Variants in TET1 observed in about 807,000 individuals in gnomAD.
TET1 encodes the protein tet methylcytosine dioxygenase 1.
A neutral mutation model predicts 148.7 loss-of-function variants in TET1; 13 were observed. That is an observed-to-expected ratio of 0.09 (90% CI 0.06 to 0.14). TET1 has a LOEUF of 0.14. Ranked by LOEUF, TET1 falls within the 10% of genes least tolerant of loss-of-function variation. The pLI is 1.00. For missense variants in TET1, 2,182 were observed against 2,553.8 expected, an observed-to-expected ratio of 0.85 and a Z score of 3.14; for synonymous variants, 907 against 937.2, an observed-to-expected ratio of 0.97 and a Z score of 0.59.
intron 5 of TET1, 27 bp from the exon 6 acceptor site, chr10:68,652,474 A>T (rs763649079): frequency 4.4e-5 from 68 of 1,533,136 alleles, no homozygotes; most frequent in Non-Finnish European, 5.6e-5. Context: ...TAATTAGTAC[A>T]TTCCCTTCAC....
chr10:68,659,173 G>A (rs7897916), intron 6 of TET1, among the ~76,000 whole-genome samples: 1 of 152,066 alleles, frequency 6.6e-6, no homozygotes, highest in Admixed American at 6.5e-5. Context: ...TTGAGCTTCT[G>A]GGGTAATGGC....
At position 68,673,058 on chromosome 10, in the gene TET1, C is replaced by T. The variant is rs1315365936; in HGVS notation, c.4824+13C>T. The stretch of plus-strand genomic sequence containing the variant: ...CTCTCCCTTACATGTAAGTGTCCTT[C>T]TTTATTCAAATAATTTATTTTTGAA... On this transcript the variant is annotated intron_variant, in intron 8 of 11. Coordinates refer to ENST00000373644, the MANE Select transcript of TET1 (RefSeq NM_030625.3). The T allele has an allele frequency of 6.3e-7, 1 of 1,588,054 alleles. No individual in the cohort carries two copies. Among genetic ancestry groups the T allele is most frequent in the East Asian group, 2.2e-5 (1 of 44,668 alleles).
chr10:68,611,941 G>T (rs2054222417), intron 3 of TET1, among the ~76,000 whole-genome samples: 3 of 151,492 alleles, frequency 2.0e-5, no homozygotes, highest in African/African-American at 7.3e-5. Context: ...AAGGGGAAAA[G>T]AAAATAATAT....
intron 3 of TET1, among the ~76,000 whole-genome samples, chr10:68,625,280 C>G (rs1589087831): frequency 6.6e-6 from 1 of 152,192 alleles, no homozygotes; most frequent in African/African-American, 2.4e-5. Flanking sequence ...TGCACTGTCT[C>G]AAGCCGATTT....
In TET1 at chr10:68,573,381, C is replaced by G. The variant is rs370086972; in HGVS notation, c.1043C>G (p.Ala348Gly). The G allele has an allele frequency of 3.5e-5, 56 of 1,614,038 alleles. No homozygotes were observed. The highest frequency in any genetic ancestry group is 4.4e-5 in the Non-Finnish European group (52 of 1,180,040). The change falls in exon 2 of 12, where the codon GCC becomes GGC. Residue 348 changes from alanine (A) to glycine (G), a missense_variant. Coordinates refer to ENST00000373644, the MANE Select transcript of TET1 (RefSeq NM_030625.3). ...TLGAKPDHQEAFEATANQQEV... is the reference protein window; with the variant it reads ...TLGAKPDHQEGFEATANQQEV... ...GGTGCTAAACCAGATCATCAAGAGGCCTTCGAAGCTACTGCAAATCAACAG... is the reference window on the plus strand; with the variant it reads ...GGTGCTAAACCAGATCATCAAGAGGGCTTCGAAGCTACTGCAAATCAACAG...
intron 3 of TET1, among the ~76,000 whole-genome samples, chr10:68,636,360 G>T (rs546234887): frequency 2.1e-4 from 32 of 152,268 alleles, no homozygotes; most frequent in African/African-American, 6.7e-4. Context: ...CTTCACTCCA[G>T]CCCTGATTTG....
At chr10:68,638,435 A>G (rs1250314767) in intron 3 of TET1, among the ~76,000 whole-genome samples, 1 of 152,144 alleles carries the variant, frequency 6.6e-6, no homozygotes, top group Non-Finnish European at 1.5e-5. Flanking sequence ...GAGAAATGAA[A>G]ATTGGATGTT....
At chr10:68,626,097 AG>A (rs375386023) in intron 3 of TET1, among the ~76,000 whole-genome samples, 80,050 of 108,314 alleles carry the variant, frequency 0.74, 28,996 homozygotes, top group East Asian at 0.83. Context: ...CTCAAAAAAA[AG>A]AAAAAAAAAA....
intron 6 of TET1, among the ~76,000 whole-genome samples, chr10:68,657,771 C>T (rs1162480919): frequency 6.7e-6 from 1 of 150,104 alleles, no homozygotes; most frequent in South Asian, 2.2e-4. Context: ...TTGTCCACCC[C>T]ACGCTTAAAC....
At chr10:68,617,750 T>C (rs2132952998) in intron 3 of TET1, among the ~76,000 whole-genome samples, 1 of 151,798 alleles carries the variant, frequency 6.6e-6, no homozygotes, top group Admixed American at 6.6e-5. Context: ...TTCACCATGT[T>C]GGTCAGACTG....
At chr10:68,596,015 C>CATATATAT (rs1327782857) in intron 2 of TET1, among the ~76,000 whole-genome samples, 3 of 107,902 alleles carry the variant, frequency 2.8e-5, no homozygotes, top group African/African-American at 7.8e-5. Flanking sequence ...CACACACACA[C>CATATATAT]ACACACACAC....
chr10:68,667,794 A>G (rs1408330752), intron 7 of TET1, among the ~76,000 whole-genome samples: 3 of 151,950 alleles, frequency 2.0e-5, no homozygotes, highest in African/African-American at 7.2e-5. Context: ...CTTCCCAAAA[A>G]GGGAAGCAAT....
At chr10:68,639,548 A>G (rs2133060653) in intron 3 of TET1, among the ~76,000 whole-genome samples, 1 of 151,914 alleles carries the variant, frequency 6.6e-6, no homozygotes, top group East Asian at 1.9e-4. Context: ...GGCTCACTGG[A>G]ACCTGTGCCT....
In TET1 at chr10:68,572,537, C is replaced by A; in HGVS notation, c.199C>A (p.Pro67Thr). The A allele has an allele frequency of 6.2e-7, 1 of 1,614,020 alleles. No individual in the cohort carries two copies. The highest frequency in any genetic ancestry group is 8.5e-7 in the Non-Finnish European group (1 of 1,180,000). Residue 67 changes from proline (P) to threonine (T), a missense_variant, in exon 2 of 12, where the codon CCC becomes ACC. Pro to Thr is a conservative substitution (Grantham distance 38). Transcript: ENST00000373644. ...TAAGAAAAAAACAGAACCTAAACCA[C>A]CCGTGCCAGTCAGAAGCCTTCTGAC... The part of the protein sequence containing the change: ...DVKKKTEPKP[P>T]VPVRSLLTRA...
At position 68,693,043 on chromosome 10, in the gene TET1, C is replaced by T. The variant is rs2055613744; in HGVS notation, c.*1229C>T. 8.7e-6 allele frequency: 2 copies of T among 230,376 alleles called. No individual in the cohort carries two copies. The highest frequency in any genetic ancestry group is 5.8e-5 in the Admixed American group (1 of 17,382). 14.3% of individuals were successfully genotyped at this position (230,376 alleles called of 1,614,324 possible). ...AAAACAAGAGGAATGGTACTACAAA[C>T]ATGGCTTTGTCCATTAAGAGCTAAT... On this transcript the variant is annotated 3_prime_UTR_variant, in exon 12 of 12. Transcript: ENST00000373644.
At chr10:68,679,004 T>C (rs188242619) in intron 8 of TET1, among the ~76,000 whole-genome samples, 134 of 152,098 alleles carry the variant, frequency 8.8e-4, no homozygotes, top group African/African-American at 3.1e-3. Flanking sequence ...GGTGAAATCC[T>C]GTCTCTACTA....
chr10:68,564,197 G>A (rs781149366), intron 1 of TET1, among the ~76,000 whole-genome samples: 5 of 151,220 alleles, frequency 3.3e-5, no homozygotes, highest in Admixed American at 6.6e-5. Flanking sequence ...TGCCCAGGCT[G>A]GAGTGTAGTG....
At chr10:68,614,047 CA>C (rs1387364389) in intron 3 of TET1, among the ~76,000 whole-genome samples, 1 of 152,192 alleles carries the variant, frequency 6.6e-6, no homozygotes. Context: ...TTTGTCCCTC[CA>C]CCCATGAAAT....
At chr10:68,610,518 G>C (rs1027868508) in intron 3 of TET1, among the ~76,000 whole-genome samples, 8 of 150,726 alleles carry the variant, frequency 5.3e-5, no homozygotes, top group African/African-American at 2.0e-4. Flanking sequence ...TTGAACCCAG[G>C]GGGCGGAGGT....
Sources: gnomAD v4.1 joint callset for allele counts (sites outside exome capture counted in the v4.1 genomes callset) on GRCh38, gnomAD v4.1.1 for gene constraint, MANE v1.5 for transcripts, NCBI Gene and HGNC (gene_info 2026-07-23, HGNC 2026-07-21) for gene names.